Variants in ZFHX3 observed in about 807,000 individuals in gnomAD.
ZFHX3 encodes zinc finger homeobox 3, also known as zinc finger homeobox protein 3.
ZFHX3 carries 42 observed loss-of-function variants against 279.1 expected under a neutral mutation model. The observed-to-expected ratio is 0.15, with a 90% CI of 0.12 to 0.19. The LOEUF (loss-of-function observed/expected upper bound fraction) is 0.19, where lower values mean the gene tolerates loss of function less well. ZFHX3 is among the 10% of genes least tolerant of loss of function. The probability of loss-of-function intolerance (pLI) is 1.00; values close to 1 mark genes in which losing one functional copy is unlikely to be tolerated. For missense variants in ZFHX3, 4,981 were observed against 4,754.0 expected, an observed-to-expected ratio of 1.05 and a Z score of -1.40; for synonymous variants, 2,293 against 1,957.8, an observed-to-expected ratio of 1.17 and a Z score of -4.52.
At chr16:73,444,201 T>G (rs1343144954) in intron 3 of ZFHX3, among the ~76,000 whole-genome samples, 9 of 152,208 alleles carry the variant, frequency 5.9e-5, no homozygotes, top group Admixed American at 5.9e-4. Context: ...ATGGATAATT[T>G]TTTCAAGTCC....
chr16:73,059,874 G>A (rs1267543832), upstream of ZFHX3, among the ~76,000 whole-genome samples: 1 of 152,110 alleles, frequency 6.6e-6, no homozygotes, highest in Non-Finnish European at 1.5e-5. Context: ...GAAGGAGAGA[G>A]GAAGAGAGGA....
chr16:72,919,913 C>G (rs2039540414), intron 3 of ZFHX3, among the ~76,000 whole-genome samples: 1 of 150,246 alleles, frequency 6.7e-6, no homozygotes, highest in South Asian at 2.1e-4. Context: ...CCTGCCTCAG[C>G]CTCCCAAGAA....
At chr16:72,930,854 AT>A (rs1959756185) in intron 3 of ZFHX3, among the ~76,000 whole-genome samples, 1 of 152,228 alleles carries the variant, frequency 6.6e-6, no homozygotes, top group African/African-American at 2.4e-5. Flanking sequence ...AAAATGTAAA[AT>A]GTGGTACAAG....
chr16:73,043,637 C>A (rs1965195098), intron 1 of ZFHX3, among the ~76,000 whole-genome samples: 1 of 152,218 alleles, frequency 6.6e-6, no homozygotes, highest in Admixed American at 6.5e-5. Flanking sequence ...CCCACCTGTC[C>A]CCTGGCCCAA....
Position 72,795,995 on chromosome 16 carries a change from A to C in ZFHX3, c.6687T>G (p.Pro2229=). The C allele has an allele frequency of 6.2e-7, 1 of 1,614,128 alleles. No individual in the cohort carries two copies. The highest frequency in any genetic ancestry group is 8.5e-7 in the Non-Finnish European group (1 of 1,180,028). ...ACTCCTGCTTTGGAGGTTCCGGCGA[A>C]GGGGGCCGGGAGTCAATCTTGAGCT... ...LEELKIDSRP[P]SPEPPKQEYW... is the part of the protein sequence containing the mutation. Residue 2229 remains proline, a synonymous_variant, in exon 9 of 10, where the codon CCT becomes CCG. Transcript: ENST00000268489.
intron 1 of ZFHX3, among the ~76,000 whole-genome samples, chr16:73,787,346 C>T (rs912526576): frequency 2.0e-5 from 3 of 152,174 alleles, no homozygotes; most frequent in Admixed American, 2.0e-4. Flanking sequence ...TTAAAATGCA[C>T]TCAGGAATCT....
intron 2 of ZFHX3, among the ~76,000 whole-genome samples, chr16:73,641,983 C>T (rs1567540435): frequency 1.3e-5 from 2 of 152,006 alleles, no homozygotes; most frequent in Non-Finnish European, 2.9e-5. Context: ...GGTCCACATG[C>T]TCCTCCGACT....
At chr16:73,795,757 T>C (rs187796568) in intron 1 of ZFHX3, among the ~76,000 whole-genome samples, 1 of 152,290 alleles carries the variant, frequency 6.6e-6, no homozygotes, top group East Asian at 1.9e-4. Context: ...TTTCAATTCT[T>C]TGACAACAGA....
rs1964902276 is a variant in ZFHX3, at chr16:73,036,331, CGG to C, written c.-50+11419_-50+11420del. Among the ~76,000 whole-genome samples the C allele has an allele frequency of 2.0e-5, 3 of 152,150 alleles. No homozygotes were observed. The East Asian group carries it at 5.8e-4, about 29-fold the overall frequency. On this transcript the variant is annotated intron_variant, in intron 1 of 9. Coordinates refer to ENST00000268489, the MANE Select transcript of ZFHX3 (RefSeq NM_006885.4). Reference sequence around the variant, plus strand: ...TCAAAGAAGAAAAGCTGCACAGATGCGGAAGGCCGGTCCAGAGGCACACAATT... The same window carrying C: ...TCAAAGAAGAAAAGCTGCACAGATGCAAGGCCGGTCCAGAGGCACACAATT...
intron 5 of ZFHX3, among the ~76,000 whole-genome samples, chr16:73,183,555 G>A (rs1967847186): frequency 6.6e-6 from 1 of 152,204 alleles, no homozygotes; most frequent in Admixed American, 6.5e-5. Flanking sequence ...CTTGTTCACG[G>A]CTGTCACTGA....
intron 1 of ZFHX3, among the ~76,000 whole-genome samples, chr16:73,682,455 C>A (rs2053020479): frequency 6.6e-6 from 1 of 152,030 alleles, no homozygotes; most frequent in Non-Finnish European, 1.5e-5. Context: ...ATGTCACCAT[C>A]TAGACAAACC....
At chr16:73,339,976 A>T (rs2015999890) in intron 3 of ZFHX3, among the ~76,000 whole-genome samples, 2 of 152,172 alleles carry the variant, frequency 1.3e-5, no homozygotes, top group Non-Finnish European at 2.9e-5. Flanking sequence ...TCAATGAGAG[A>T]GTCACCTTTG....
At chr16:73,401,712 CAA>C (rs2017259435) in intron 3 of ZFHX3, 1 of 152,154 alleles carries the variant, frequency 6.6e-6, no homozygotes, top group South Asian at 2.1e-4. Context: ...ACTAAAAATT[CAA>C]AGTTATTATT....
chr16:73,548,486 A>C (rs2020157494), intron 2 of ZFHX3, among the ~76,000 whole-genome samples: 1 of 152,002 alleles, frequency 6.6e-6, no homozygotes, highest in Non-Finnish European at 1.5e-5. Flanking sequence ...TTTTAAAAAA[A>C]AGTGCAATTA....
At chr16:73,066,326 TATC>T (rs1965752593) in intron 8 of ZFHX3, among the ~76,000 whole-genome samples, 1 of 152,086 alleles carries the variant, frequency 6.6e-6, no homozygotes, top group Non-Finnish European at 1.5e-5. Context: ...CCCAAAACCT[TATC>T]ATTGAGAATT....
At chr16:73,665,056 G>A (rs1232642221) in intron 2 of ZFHX3, among the ~76,000 whole-genome samples, 2 of 152,134 alleles carry the variant, frequency 1.3e-5, no homozygotes, top group African/African-American at 2.4e-5. Context: ...GAGTGATTAA[G>A]AGCACTATTG....
intron 3 of ZFHX3, among the ~76,000 whole-genome samples, chr16:72,950,182 G>A (rs1379471740): frequency 6.6e-6 from 1 of 151,906 alleles, no homozygotes; most frequent in Non-Finnish European, 1.5e-5. Flanking sequence ...GCCCATGTAA[G>A]AAAGAAAAGA....
intron 4 of ZFHX3, among the ~76,000 whole-genome samples, chr16:72,887,726 C>A (rs1245261960): frequency 6.9e-6 from 1 of 144,878 alleles, no homozygotes; most frequent in Non-Finnish European, 1.5e-5. Flanking sequence ...GCAGATGGGG[C>A]GTGTGGGTGT....
At chr16:72,980,160 C>T (rs917524806) in intron 1 of ZFHX3, among the ~76,000 whole-genome samples, 5 of 152,186 alleles carry the variant, frequency 3.3e-5, no homozygotes, top group Non-Finnish European at 7.3e-5. Flanking sequence ...GAGAGCCGGT[C>T]AGTGGCAGAG....
Sources: gnomAD v4.1 joint callset for allele counts (sites outside exome capture counted in the v4.1 genomes callset) on GRCh38, gnomAD v4.1.1 for gene constraint, MANE v1.5 for transcripts, NCBI Gene and HGNC (gene_info 2026-07-23, HGNC 2026-07-21) for gene names.